The following GPC1 variants were observed in gnomAD, a reference collection of about 807,000 sequenced individuals.
GPC1 encodes the protein glypican 1.
GPC1 carries 26 observed loss-of-function variants against 51.5 expected under a neutral mutation model. That is an observed-to-expected ratio of 0.50 (90% CI 0.37 to 0.70). GPC1 has a LOEUF of 0.70. GPC1 is among the 30% of genes least tolerant of loss of function. GPC1 has a pLI of 0.00. For missense variants in GPC1, 775 were observed against 800.5 expected, an observed-to-expected ratio of 0.97 and a Z score of 0.38; for synonymous variants, 380 against 348.3, an observed-to-expected ratio of 1.09 and a Z score of -1.01.
intron 1 of GPC1, chr2:240,450,467 GCTCT>G (rs74597721): frequency 0.025 from 10,266 of 406,402 alleles, 586 homozygotes; most frequent in East Asian, 0.15. Context: ...GGTCACTTTA[GCTCT>G]CTATGTGTCA....
intron 1 of GPC1, chr2:240,457,469 G>C (rs761755234): frequency 1.5e-5 from 7 of 470,442 alleles, no homozygotes; most frequent in South Asian, 1.1e-4. Context: ...TCAACCTCTG[G>C]GTAGTTACCT....
At chr2:240,455,637 G>C (rs1473481868) in intron 1 of GPC1, among the ~76,000 whole-genome samples, 1 of 152,026 alleles carries the variant, frequency 6.6e-6, no homozygotes, top group African/African-American at 2.4e-5. Flanking sequence ...AAGTGGTGGG[G>C]AGGCCCCTGG....
chr2:240,437,363 G>A (rs1382899037), intron 1 of GPC1, among the ~76,000 whole-genome samples: 3 of 152,062 alleles, frequency 2.0e-5, no homozygotes, highest in Non-Finnish European at 4.4e-5. Flanking sequence ...GATGCCCCCA[G>A]CCTGAGGTTC....
In GPC1 at chr2:240,456,930, C is replaced by T. The variant is rs569384183; in HGVS notation, c.167-2100C>T. On this transcript the variant is annotated intron_variant, in intron 1 of 8. Coordinates refer to ENST00000264039, the MANE Select transcript of GPC1 (RefSeq NM_002081.3). ...ACCCCTTCTCTACTAGGCCCCAGGG[C>T]TCTCAGAGCCGGGCTCTGTCCTCAC... is the stretch of plus-strand genomic sequence containing the variant. Among the ~76,000 whole-genome samples, 7 of 152,294 alleles carry T rather than the reference C, an allele frequency of 4.6e-5. No individual in the cohort carries two copies. The South Asian group carries it at 1.4e-3, about 32-fold the overall frequency.
intron 1 of GPC1, among the ~76,000 whole-genome samples, chr2:240,447,895 A>AT (rs994201356): frequency 5.3e-5 from 8 of 152,118 alleles, no homozygotes; most frequent in African/African-American, 1.9e-4. Context: ...AGGCCCCGTC[A>AT]TTGTCACCGG....
chr2:240,463,476 C>T lies in GPC1; in HGVS notation c.847C>T (p.Gln283Ter). The T allele has an allele frequency of 6.2e-7, 1 of 1,613,004 alleles. No homozygotes were observed. Among genetic ancestry groups the T allele is most frequent in the Non-Finnish European group, 8.5e-7 (1 of 1,179,952 alleles). ...TGTGCTCAAGGGCTGCCTTGCCAAC[C>T]AGGCCGACCTGGACGCCGAGTGGAG... Reference protein sequence around the residue: ...RNVLKGCLANQADLDAEWRNL... With the variant: ...RNVLKGCLAN The change falls in exon 4 of 9, where the codon CAG becomes TAG. Residue 283 changes from glutamine to a stop codon, truncating the protein, a stop_gained. Transcript: ENST00000264039. LOFTEE classifies it high-confidence loss of function.
intron 1 of GPC1, chr2:240,456,797 A>C (rs946690218): frequency 2.9e-6 from 1 of 350,650 alleles, no homozygotes; most frequent in Non-Finnish European, 5.9e-6. Context: ...GAATCCCATC[A>C]GTGAATAAAG....
At chr2:240,450,146 CCT>C (rs1247004420) in intron 1 of GPC1, 2 of 341,610 alleles carry the variant, frequency 5.9e-6, no homozygotes, top group Non-Finnish European at 1.2e-5. Flanking sequence ...GCACTCGTCC[CCT>C]AATTGTGGCT....
At chr2:240,446,111 C>T (rs575086739) in intron 1 of GPC1, among the ~76,000 whole-genome samples, 18 of 152,366 alleles carry the variant, frequency 1.2e-4, no homozygotes, top group African/African-American at 4.1e-4. Context: ...AAGTCGCCCT[C>T]GCAGCAGAGA....
rs1391746570 is a variant in GPC1 at position 240,466,359 on chromosome 2, A to C, written c.*69A>C. The C allele has an allele frequency of 4.5e-6, 4 of 896,360 alleles. No homozygotes were observed. Among genetic ancestry groups the C allele is most frequent in the Non-Finnish European group, 7.2e-6 (4 of 557,052 alleles). 55.5% of individuals were successfully genotyped at this position (896,360 alleles called of 1,614,324 possible). On this transcript the variant is annotated 3_prime_UTR_variant, in exon 9 of 9. Coordinates refer to ENST00000264039, the MANE Select transcript of GPC1 (RefSeq NM_002081.3). ...CAAAAATACAACACAGACGATATTT[A>C]ATTCACCTCAGCCTGGAGAGGCCTG...
At chr2:240,443,531 C>T (rs1474886650) in intron 1 of GPC1, among the ~76,000 whole-genome samples, 1 of 152,148 alleles carries the variant, frequency 6.6e-6, no homozygotes, top group Non-Finnish European at 1.5e-5. Context: ...AGGAGGAGAC[C>T]TCCCAGGGCT....
At chr2:240,458,927 C>A in intron 1 of GPC1, 103 bp from the exon 2 acceptor site, 2 of 1,100,848 alleles carry the variant, frequency 1.8e-6, no homozygotes, top group Non-Finnish European at 2.7e-6. Context: ...CTGAGCTGTG[C>A]TCCACCCTGG....
Position 240,466,216 on chromosome 2 carries a change from C to T in GPC1, c.1603C>T (p.Pro535Ser), listed in dbSNP as rs1179461382. The part of the protein sequence containing the change: ...EGQKTSAASC[P>S]QPPTFLLPLL... ...ACAGAAGACCTCGGCTGCCAGCTGC[C>T]CCCAGCCCCCGACCTTCCTCCTGCC... The change falls in exon 9 of 9, where the codon CCC (proline) becomes TCC (serine). Residue 535 changes from proline (P) to serine (S), a missense_variant. Pro to Ser is a moderately conservative substitution (Grantham distance 74). Coordinates refer to ENST00000264039, the MANE Select transcript of GPC1 (RefSeq NM_002081.3). 3.1e-6 allele frequency: 5 copies of T among 1,612,854 alleles called. No homozygotes were observed. The Admixed American group carries it at 8.3e-5, about 27-fold the overall frequency.
At chr2:240,450,637 T>G (rs1346348657) in intron 1 of GPC1, 1 of 470,730 alleles carries the variant, frequency 2.1e-6, no homozygotes, top group Admixed American at 2.3e-5. Flanking sequence ...TTCAGGGGCG[T>G]GCCCCGTCGA....
chr2:240,459,245 G>A, intron 2 of GPC1, 57 bp downstream of exon 2: 6 of 1,498,944 alleles, frequency 4.0e-6, no homozygotes, highest in Non-Finnish European at 5.5e-6. Context: ...TCGGGGGAGG[G>A]GCACACTGGG....
intron 1 of GPC1, chr2:240,451,579 G>T (rs566758395): frequency 3.4e-4 from 91 of 266,796 alleles, no homozygotes; most frequent in African/African-American, 2.0e-3. Flanking sequence ...TGGGGGCACG[G>T]CCTCTGGGGA....
At chr2:240,456,225 T>C in intron 1 of GPC1, 1 of 254,632 alleles carries the variant, frequency 3.9e-6, no homozygotes, top group Non-Finnish European at 7.8e-6. Flanking sequence ...GAGGAGCCCC[T>C]CAGAACCTGC....
At position 240,466,333 on chromosome 2, in the gene GPC1, C is replaced by T. The variant is rs966884075; in HGVS notation, c.*43C>T. On this transcript the variant is annotated 3_prime_UTR_variant, in exon 9 of 9. Coordinates refer to ENST00000264039, the MANE Select transcript of GPC1 (RefSeq NM_002081.3). ...GGACAGAGGCCAAGGACTGACTTTG[C>T]CAAAAATACAACACAGACGATATTT... 1 of 1,102,556 alleles carries T rather than the reference C, an allele frequency of 9.1e-7. No individual in the cohort carries two copies. Among genetic ancestry groups the T allele is most frequent in the Admixed American group, 1.8e-5 (1 of 56,002 alleles). 68.3% of individuals were successfully genotyped at this position (1,102,556 alleles called of 1,614,324 possible).
intron 1 of GPC1, chr2:240,457,861 C>T: frequency 2.9e-6 from 1 of 350,442 alleles, no homozygotes; most frequent in Non-Finnish European, 5.8e-6. Flanking sequence ...GAGACAGGCC[C>T]CTGAGGCGGC....
Sources: allele counts gnomAD v4.1 joint callset (sites outside exome capture counted in the v4.1 genomes callset), GRCh38; gene constraint gnomAD v4.1.1; transcripts MANE v1.5; gene names NCBI Gene and HGNC (gene_info 2026-07-23, HGNC 2026-07-21).